FRMD4A: variants seen among roughly 807,000 people sequenced by gnomAD.
FRMD4A encodes the protein FERM domain-containing protein 4A.
Under a neutral mutation model 129.1 loss-of-function variants are expected in FRMD4A, and 29 were observed. The observed-to-expected ratio is 0.22, with a 90% CI of 0.17 to 0.31. FRMD4A has a LOEUF of 0.31. Among genes scored for constraint, FRMD4A ranks in the 10% least tolerant of loss-of-function variants. The probability of loss-of-function intolerance (pLI) is 1.00; values close to 1 mark genes in which losing one functional copy is unlikely to be tolerated. For missense variants in FRMD4A, 1,272 were observed against 1,375.8 expected (o/e 0.92, Z 1.19); for synonymous variants, 634 against 571.6 (o/e 1.11, Z -1.56).
chr10:13,652,161 C>CTAGT, intron 23 of FRMD4A, 187 bp from the exon 24 acceptor site: 2 of 607,740 alleles, frequency 3.3e-6, no homozygotes, highest in Non-Finnish European at 5.9e-6. Flanking sequence ...GTCAAAATAC[C>CTAGT]TAGTTTGTTA....
chr10:14,131,280 C>G lies in FRMD4A; in HGVS notation c.45+198778G>C, dbSNP rs1839234424. On this transcript the variant is annotated intron_variant, in intron 2 of 24. Coordinates refer to ENST00000357447, the MANE Select transcript of FRMD4A (RefSeq NM_018027.5). Reference sequence around the variant, plus strand: ...AAAACCACCAGCAAGAAGAGAGGCTCAGGCGATGCAGAAGCTTCATTTGTT... The same window carrying G: ...AAAACCACCAGCAAGAAGAGAGGCTGAGGCGATGCAGAAGCTTCATTTGTT... 2.0e-5 allele frequency among the ~76,000 whole-genome samples: 3 copies of G among 152,156 alleles called. No individual in the cohort carries two copies. The South Asian group carries it at 6.2e-4, about 32-fold the overall frequency.
In FRMD4A at chr10:13,771,989, C is replaced by G. The variant is rs1217962866; in HGVS notation, c.385-9309G>C. Among the ~76,000 whole-genome samples, 4 of 151,204 alleles carry G rather than the reference C, an allele frequency of 2.6e-5. No individual in the cohort carries two copies. The East Asian group carries it at 7.8e-4, about 29-fold the overall frequency. On this transcript the variant is annotated intron_variant, in intron 6 of 24. Coordinates refer to ENST00000357447, the MANE Select transcript of FRMD4A (RefSeq NM_018027.5). ...ATTAGCTGGGTGTGGTGTCGCATGCCCATAGTAGTCCCAGCTACTTGGGAG... is the reference window on the plus strand; with the variant it reads ...ATTAGCTGGGTGTGGTGTCGCATGCGCATAGTAGTCCCAGCTACTTGGGAG...
chr10:14,106,749 T>C (rs1837607289), intron 2 of FRMD4A, among the ~76,000 whole-genome samples: 1 of 152,208 alleles, frequency 6.6e-6, no homozygotes, highest in Non-Finnish European at 1.5e-5. Flanking sequence ...TTTCTGTCTT[T>C]TGGGATGTAT....
intron 2 of FRMD4A, among the ~76,000 whole-genome samples, chr10:14,073,855 T>C (rs576599425): frequency 1.7e-4 from 26 of 152,158 alleles, no homozygotes; most frequent in Non-Finnish European, 3.5e-4. Flanking sequence ...CTCATGTCTG[T>C]AATCCCAGCA....
intron 2 of FRMD4A, among the ~76,000 whole-genome samples, chr10:14,077,485 T>A (rs1236214649): frequency 6.6e-6 from 1 of 152,236 alleles, no homozygotes; most frequent in Non-Finnish European, 1.5e-5. Flanking sequence ...TAAAGTGTGC[T>A]GTGCAAAGTC....
chr10:13,660,387 T>G lies in FRMD4A; in HGVS notation c.1827A>C (p.Lys609Asn). The G allele has an allele frequency of 1.2e-6, 2 of 1,614,136 alleles. No individual in the cohort carries two copies. The highest frequency in any genetic ancestry group is 1.7e-6 in the Non-Finnish European group (2 of 1,179,988). Residue 609 changes from lysine to asparagine, a missense_variant, in exon 20 of 25, where the codon AAA (lysine) becomes AAC (asparagine). This residue lies in a region of FRMD4A where 972 missense variants were observed against 892.3 expected (regional missense o/e 1.09). Transcript: ENST00000357447. Reference protein sequence around the residue: ...NDYDKSPIKPKMWSESSLDEP... With the variant: ...NDYDKSPIKPNMWSESSLDEP... Reference sequence around the variant, plus strand: ...CATCTAAAGAGGACTCACTCCACATTTTGGGCTTGATGGGTGACTTGTCAT... The same window carrying G: ...CATCTAAAGAGGACTCACTCCACATGTTGGGCTTGATGGGTGACTTGTCAT...
At chr10:14,254,580 T>G (rs143868067) in intron 2 of FRMD4A, among the ~76,000 whole-genome samples, 1 of 152,216 alleles carries the variant, frequency 6.6e-6, no homozygotes, top group African/African-American at 2.4e-5. Context: ...CTAGCACCTT[T>G]CTTTACAATG....
intron 2 of FRMD4A, among the ~76,000 whole-genome samples, chr10:13,951,799 A>AGAAT (rs2131335944): frequency 6.6e-6 from 1 of 151,958 alleles, no homozygotes; most frequent in South Asian, 2.1e-4. Context: ...CTGAGGCAGG[A>AGAAT]GAATCCCTTG....
chr10:14,255,557 C>T (rs1844581139), intron 2 of FRMD4A, among the ~76,000 whole-genome samples: 1 of 152,152 alleles, frequency 6.6e-6, no homozygotes. Flanking sequence ...GGGCAGGAGA[C>T]AATCAGATGA....
chr10:14,058,302 A>G lies in FRMD4A; in HGVS notation c.46-199390T>C, dbSNP rs149804799. ...AGTTACACACCTATTGCTTTTTTTC[A>G]AAGATAAATTATCATTTGCTACATG... is the stretch of plus-strand genomic sequence containing the variant. On this transcript the variant is annotated intron_variant, in intron 2 of 24. Coordinates refer to ENST00000357447, the MANE Select transcript of FRMD4A (RefSeq NM_018027.5). Among the ~76,000 whole-genome samples the G allele has an allele frequency of 8.5e-3, 1,289 of 152,308 alleles. 5 individuals are homozygous for G. Among genetic ancestry groups the G allele is most frequent in the Admixed American group, 0.013 (204 of 15,304 alleles).
intron 4 of FRMD4A, among the ~76,000 whole-genome samples, chr10:13,801,427 G>A (rs34352641): frequency 0.078 from 11,880 of 152,276 alleles, 590 homozygotes; most frequent in African/African-American, 0.14. Flanking sequence ...AGGGGATCAC[G>A]ATGCATGGCC....
At chr10:13,899,999 A>G (rs2094800824) in intron 2 of FRMD4A, among the ~76,000 whole-genome samples, 1 of 152,104 alleles carries the variant, frequency 6.6e-6, no homozygotes, top group Non-Finnish European at 1.5e-5. Context: ...TTTTCCTTTC[A>G]TATGTCAAGC....
intron 2 of FRMD4A, among the ~76,000 whole-genome samples, chr10:14,169,142 G>C (rs1394929381): frequency 1.3e-5 from 2 of 151,010 alleles, no homozygotes; most frequent in Non-Finnish European, 2.9e-5. Flanking sequence ...TACAATGTCT[G>C]CATCAGCTCC....
intron 2 of FRMD4A, among the ~76,000 whole-genome samples, chr10:14,104,645 A>G (rs1208910550): frequency 1.3e-5 from 2 of 152,218 alleles, no homozygotes; most frequent in African/African-American, 2.4e-5. Flanking sequence ...CAAAGCCAAG[A>G]GAATTTCCCC....
At chr10:13,864,577 C>CTTT (rs60899227) in intron 2 of FRMD4A, among the ~76,000 whole-genome samples, 2 of 137,004 alleles carry the variant, frequency 1.5e-5, no homozygotes, top group Non-Finnish European at 3.2e-5. Context: ...TTCTTTCTTT[C>CTTT]TTTTTTTTTT....
chr10:14,068,091 C>T (rs1168098997), intron 2 of FRMD4A, among the ~76,000 whole-genome samples: 1 of 152,224 alleles, frequency 6.6e-6, no homozygotes, highest in African/African-American at 2.4e-5. Flanking sequence ...TTTCTGGGAT[C>T]ATCTTTCAAA....
At chr10:14,046,213 T>C (rs961859672) in intron 2 of FRMD4A, among the ~76,000 whole-genome samples, 2 of 152,196 alleles carry the variant, frequency 1.3e-5, no homozygotes, top group African/African-American at 4.8e-5. Flanking sequence ...CTCACTTTCC[T>C]CAACATTTGT....
intron 2 of FRMD4A, among the ~76,000 whole-genome samples, chr10:13,908,487 T>C (rs2094906658): frequency 6.6e-6 from 1 of 152,238 alleles, no homozygotes; most frequent in Non-Finnish European, 1.5e-5. Context: ...CAACTTATTT[T>C]CCATTCAACA....
intron 2 of FRMD4A, among the ~76,000 whole-genome samples, chr10:14,317,320 G>A (rs1315014348): frequency 1.3e-5 from 2 of 152,112 alleles, no homozygotes. Flanking sequence ...GCTGGGACGT[G>A]TGACTCTCCC....
Sources: gnomAD v4.1 joint callset for allele counts (sites outside exome capture counted in the v4.1 genomes callset) on GRCh38, gnomAD v4.1.1 for gene constraint, gnomAD v4.1.1 regional missense constraint, MANE v1.5 for transcripts, NCBI Gene and HGNC (gene_info 2026-07-23, HGNC 2026-07-21) for gene names.